RNF38: variants seen among roughly 807,000 people sequenced by gnomAD.
RNF38 encodes the protein ring finger protein 38.
In RNF38, 15 loss-of-function variants were observed where a neutral mutation model predicts 67.2. The ratio of observed to expected loss-of-function variants is 0.22; its 90% CI spans 0.15 to 0.34. The LOEUF (loss-of-function observed/expected upper bound fraction) is 0.34. Among genes scored for constraint, RNF38 ranks in the 10% least tolerant of loss-of-function variants. The probability of loss-of-function intolerance (pLI) is 1.00; values close to 1 mark genes in which losing one functional copy is unlikely to be tolerated. For synonymous variants in RNF38, 220 were observed against 218.8 expected, an observed-to-expected ratio of 1.01 and a Z score of -0.05; for missense variants, 524 against 639.9, an observed-to-expected ratio of 0.82 and a Z score of 1.95.
chr9:36,464,343 C>G (rs531440236), intron 1 of RNF38, among the ~76,000 whole-genome samples: 91 of 151,982 alleles, frequency 6.0e-4, no homozygotes, highest in African/African-American at 2.1e-3. Context: ...CCAAGGCAGG[C>G]GGATCACAAG....
chr9:36,459,010 C>A (rs933182339), intron 1 of RNF38, among the ~76,000 whole-genome samples: 10 of 152,080 alleles, frequency 6.6e-5, no homozygotes, highest in African/African-American at 2.2e-4. Context: ...GAGATTGAGA[C>A]CATCCTGGCC....
At chr9:36,390,089 C>G (rs1028171955) in intron 2 of RNF38, among the ~76,000 whole-genome samples, 1 of 152,192 alleles carries the variant, frequency 6.6e-6, no homozygotes, top group Admixed American at 6.5e-5. Flanking sequence ...CTATCGAACT[C>G]TGGGTGCCAA....
At chr9:36,401,854 G>A (rs893904849), upstream of RNF38, among the ~76,000 whole-genome samples, 7 of 152,160 alleles carry the variant, frequency 4.6e-5, no homozygotes, top group East Asian at 1.3e-3. Context: ...CCAGTCAACA[G>A]AAAACTCGGG....
chr9:36,434,557 T>C (rs1337968237), intron 1 of RNF38, among the ~76,000 whole-genome samples: 1 of 152,094 alleles, frequency 6.6e-6, no homozygotes, highest in Non-Finnish European at 1.5e-5. Flanking sequence ...GCCTGGCTAA[T>C]TTTGTATTTT....
intron 1 of RNF38, among the ~76,000 whole-genome samples, chr9:36,467,968 A>G (rs1212762191): frequency 1.3e-5 from 2 of 152,204 alleles, no homozygotes; most frequent in African/African-American, 4.8e-5. Flanking sequence ...AAGGCTGAGC[A>G]ACAGTGGCTC....
intron 2 of RNF38, among the ~76,000 whole-genome samples, chr9:36,415,583 G>T (rs1057322150): frequency 1.3e-5 from 2 of 152,130 alleles, no homozygotes; most frequent in African/African-American, 4.8e-5. Flanking sequence ...AGTGATTGTT[G>T]CTGCTCTTCT....
At chr9:36,401,607 C>T (rs1331507007), upstream of RNF38, among the ~76,000 whole-genome samples, 1 of 152,006 alleles carries the variant, frequency 6.6e-6, no homozygotes, top group African/African-American at 2.4e-5. Context: ...GAAATAAGAA[C>T]AAAGATTGAA....
chr9:36,378,793 A>G (rs1050428722), intron 2 of RNF38, among the ~76,000 whole-genome samples: 9 of 152,220 alleles, frequency 5.9e-5, no homozygotes, highest in African/African-American at 1.9e-4. Flanking sequence ...AGTGGCTGCG[A>G]AAAGTAAAGT....
chr9:36,345,774 TGGCCTAATATGTCTC>T lies in RNF38; in HGVS notation c.1264-836_1264-822del, dbSNP rs558325424. ...ATCCAAACAAATCCGTAACTTACCATGGCCTAATATGTCTCAAGACTCTTTTTCACTCTTAAATTT... is the reference window on the plus strand; with the variant it reads ...ATCCAAACAAATCCGTAACTTACCATAAGACTCTTTTTCACTCTTAAATTT... On this transcript the variant is annotated intron_variant, in intron 9 of 11. Coordinates refer to ENST00000259605, the MANE Select transcript of RNF38 (RefSeq NM_022781.5). 1.4e-3 allele frequency among the ~76,000 whole-genome samples: 206 copies of T among 152,338 alleles called. 3 individuals carry two copies. The South Asian group carries it at 0.04, about 29-fold the overall frequency.
chr9:36,479,567 A>G (rs909681856), intron 1 of RNF38, among the ~76,000 whole-genome samples: 2 of 152,134 alleles, frequency 1.3e-5, no homozygotes, highest in African/African-American at 4.8e-5. Context: ...AAAGCAAGCA[A>G]TAACTGTCTT....
At chr9:36,429,015 G>C (rs1359668939) in intron 1 of RNF38, among the ~76,000 whole-genome samples, 1 of 152,156 alleles carries the variant, frequency 6.6e-6, no homozygotes, top group East Asian at 1.9e-4. Context: ...TACATGTCAA[G>C]TCTACCCTAG....
rs370134374 is a variant in RNF38, at chr9:36,364,021, G to A, written c.570+5698C>T. On this transcript the variant is annotated intron_variant, in intron 4 of 11. Transcript: ENST00000259605. ...AACTTTCGTGTTTTTAGTAGAGATG[G>A]GGTGTCACCATGTTGGCCAGGCTGG... is the stretch of plus-strand genomic sequence containing the variant. Among the ~76,000 whole-genome samples the A allele has an allele frequency of 1.2e-3, 112 of 97,340 alleles. 27 individuals carry two copies. The highest frequency in any genetic ancestry group is 3.2e-3 in the African/African-American group (103 of 32,458). The allele number at this position is 97,340 out of a possible 152,430, so 63.9% of individuals were successfully genotyped here. A position where few individuals can be genotyped will look rare whatever the true frequency, so the allele number is the denominator to read the frequency against.
At chr9:36,447,767 C>T (rs895428684) in intron 1 of RNF38, among the ~76,000 whole-genome samples, 6 of 152,214 alleles carry the variant, frequency 3.9e-5, no homozygotes, top group African/African-American at 1.4e-4. Context: ...TTCTCTCAAA[C>T]TCAATGACCT....
chr9:36,354,827 C>T (rs1833980484), intron 6 of RNF38, among the ~76,000 whole-genome samples: 1 of 152,170 alleles, frequency 6.6e-6, no homozygotes, highest in South Asian at 2.1e-4. Context: ...TACAGAATAG[C>T]AACATGTTAT....
intron 6 of RNF38, among the ~76,000 whole-genome samples, chr9:36,355,976 A>G (rs547746327): frequency 6.6e-6 from 1 of 152,192 alleles, no homozygotes; most frequent in African/African-American, 2.4e-5. Flanking sequence ...CCTCCTGAGT[A>G]GCTGGAATTA....
intron 2 of RNF38, among the ~76,000 whole-genome samples, chr9:36,420,826 G>A (rs1838605014): frequency 6.6e-6 from 1 of 152,104 alleles, no homozygotes; most frequent in Admixed American, 6.5e-5. Flanking sequence ...TGGAGGGCTT[G>A]TGCAAATTGC....
intron 1 of RNF38, among the ~76,000 whole-genome samples, chr9:36,480,368 T>G (rs766623298): frequency 6.6e-6 from 1 of 152,092 alleles, no homozygotes; most frequent in African/African-American, 2.4e-5. Context: ...TTTTTAGTTC[T>G]CTGACAATAA....
rs183336652 is a variant in RNF38 at position 36,340,452 on chromosome 9, C to T, written c.1486-638G>A. On this transcript the variant is annotated intron_variant, in intron 11 of 11. Coordinates refer to ENST00000259605, the MANE Select transcript of RNF38 (RefSeq NM_022781.5). The stretch of plus-strand genomic sequence containing the variant: ...CCACAGGAGCACAGTGGCATGACTA[C>T]AGCTCACTACAGACTTGAACTCCTG... Among the ~76,000 whole-genome samples the T allele has an allele frequency of 9.8e-5, 15 of 152,306 alleles. 1 individual carries two copies. In the East Asian group the frequency reaches 2.9e-3, roughly 29 times the overall value.
intron 4 of RNF38, among the ~76,000 whole-genome samples, chr9:36,367,579 CTTTTT>C (rs141902483): frequency 5.9e-5 from 9 of 151,554 alleles, no homozygotes; most frequent in African/African-American, 1.5e-4. Context: ...ATTCTTTTTT[CTTTTT>C]TTTAATTAAA....
Sources: allele counts gnomAD v4.1 joint callset (sites outside exome capture counted in the v4.1 genomes callset), GRCh38; gene constraint gnomAD v4.1.1; transcripts MANE v1.5; gene names NCBI Gene and HGNC (gene_info 2026-07-23, HGNC 2026-07-21).